Variants in NPR1 observed in about 807,000 individuals in gnomAD.
NPR1 encodes the protein atrial natriuretic peptide receptor 1.
NPR1 carries 57 observed loss-of-function variants against 116.9 expected under a neutral mutation model. The observed-to-expected ratio is 0.49, with a 90% CI of 0.39 to 0.61. NPR1 has a LOEUF of 0.61. NPR1 is among the 20% of genes least tolerant of loss of function. NPR1 has a pLI of 0.00. For synonymous variants in NPR1, 555 were observed against 601.6 expected (o/e 0.92, Z 1.13); for missense variants, 1,096 against 1,409.8 (o/e 0.78, Z 3.56).
intron 20 of NPR1, among the ~76,000 whole-genome samples, chr1:153,692,897 C>T (rs1317855185): frequency 5.3e-5 from 8 of 152,122 alleles, no homozygotes; most frequent in Non-Finnish European, 1.2e-4. Context: ...GATTACACAG[C>T]TCCAGAGTTC....
chr1:153,693,618 G>T lies in NPR1; in HGVS notation c.*204G>T. The T allele has an allele frequency of 1.9e-6, 1 of 513,308 alleles. No individual in the cohort carries two copies. The highest frequency in any genetic ancestry group is 3.3e-5 in the South Asian group (1 of 29,950). The allele number at this position is 513,308 out of a possible 1,614,324, so 31.8% of individuals were successfully genotyped here. ...GGGGGGATCTCAGAGCTTACAGGCT[G>T]AGCCAAGCCCACGGCCATGCACAGG... On this transcript the variant is annotated 3_prime_UTR_variant, in exon 22 of 22. Transcript: ENST00000368680.
chr1:153,690,308 G>A lies in NPR1; in HGVS notation c.2957G>A (p.Gly986Glu). The A allele has an allele frequency of 1.3e-6, 2 of 1,559,828 alleles. No individual in the cohort carries two copies. Among genetic ancestry groups the A allele is most frequent in the East Asian group, 2.4e-5 (1 of 42,198 alleles). The change falls in exon 20 of 22, where the codon GGA becomes GAA. Residue 986 changes from glycine to glutamate, a missense_variant. Physicochemically the swap from Gly to Glu is moderately conservative, Grantham distance 98. Transcript: ENST00000368680. The stretch of plus-strand genomic sequence containing the variant: ...GGACCTGTGTGTGCTGGAGTGGTGG[G>A]ACTGAAGATGCCCCGTTACTGTCTC... Reference protein sequence around the residue: ...HTGPVCAGVVGLKMPRYCLFG... With the variant: ...HTGPVCAGVVELKMPRYCLFG...
chr1:153,689,650 A>C lies in NPR1; in HGVS notation c.2757+129A>C, dbSNP rs1203685692. The stretch of plus-strand genomic sequence containing the variant: ...GGGACACGGGCAGAGACAGTGACAC[A>C]GGGAGACCCGGGAACAGGCAGAGAA... On this transcript the variant is annotated intron_variant, in intron 18 of 21. Transcript: ENST00000368680. This position sits in a 1 kb window ranked among gnomAD's most constrained non-coding sequence, Gnocchi z 5.1. 2 of 1,213,696 alleles carry C rather than the reference A, an allele frequency of 1.6e-6. No homozygotes were observed. Among genetic ancestry groups the C allele is most frequent in the Non-Finnish European group, 2.4e-6 (2 of 848,078 alleles). The allele number at this position is 1,213,696 out of a possible 1,614,324, so 75.2% of individuals were successfully genotyped here. A position where few individuals can be genotyped will look rare whatever the true frequency, so the allele number is the denominator to read the frequency against.
rs762194917 is a variant in NPR1, at chr1:153,688,991, G to A, written c.2456G>A (p.Arg819His). ...SSNILDNLLS[R>H]MEQYANNLEE... ...AACATCCTGGACAACCTGCTGTCCCGCATGGAGCAGTACGCGAACAATCTG... is the reference window on the plus strand; with the variant it reads ...AACATCCTGGACAACCTGCTGTCCCACATGGAGCAGTACGCGAACAATCTG... Residue 819 changes from arginine (R) to histidine (H), a missense_variant, in exon 16 of 22, where the codon CGC (arginine) becomes CAC (histidine). By Grantham distance (29) the Arg-to-His change is conservative. Transcript: ENST00000368680. The A allele has an allele frequency of 9.9e-6, 16 of 1,614,124 alleles. No individual in the cohort carries two copies. Among genetic ancestry groups the A allele is most frequent in the East Asian group, 2.2e-5 (1 of 44,870 alleles).
Position 153,679,733 on chromosome 1 carries a change from G to T in NPR1, c.625G>T (p.Asp209Tyr), listed in dbSNP as rs773313589. The change falls in exon 1 of 22, where the codon GAC becomes TAC. Residue 209 changes from aspartate (D) to tyrosine (Y), a missense_variant. Asp to Tyr is a radical substitution (Grantham distance 160). Transcript: ENST00000368680. The surrounding 1 kb of genome is among the most constrained non-coding windows in gnomAD (Gnocchi z 4.2). ...GGAGGGGCTGTTCATGCGGGTCCGC[G>T]ACCGCCTCAATATTACGGTGGACCA... ...LVEGLFMRVR[D>Y]RLNITVDHLE... 1 of 1,603,016 alleles carries T rather than the reference G, an allele frequency of 6.2e-7. No homozygotes were observed. Among genetic ancestry groups the T allele is most frequent in the South Asian group, 1.1e-5 (1 of 89,900 alleles).
chr1:153,690,642 A>T (rs1052781565), intron 20 of NPR1, among the ~76,000 whole-genome samples: 1 of 152,046 alleles, frequency 6.6e-6, no homozygotes, highest in Admixed American at 6.6e-5. Context: ...CAGGAATCTG[A>T]TTTTAAGACC....
In NPR1 at chr1:153,693,249, T is replaced by C. The variant is rs771540040; in HGVS notation, c.3123+52T>C. ...CACCTTTTGGGGTCCTAGAGGGAGTTACCCTTCTCAAGCAGCCAATGCCAC... is the reference window on the plus strand; with the variant it reads ...CACCTTTTGGGGTCCTAGAGGGAGTCACCCTTCTCAAGCAGCCAATGCCAC... On this transcript the variant is annotated intron_variant, in intron 21 of 21. Transcript: ENST00000368680. 4 of 1,601,088 alleles carry C rather than the reference T, an allele frequency of 2.5e-6. No homozygotes were observed. The Admixed American group carries it at 6.7e-5, about 27-fold the overall frequency.
In NPR1 at chr1:153,681,313, C is replaced by A; in HGVS notation, c.1035+20C>A. The stretch of plus-strand genomic sequence containing the variant: ...GGCCTGGTAAGAAGGGGTCCCGGGA[C>A]CCTCCAGCGTGGACCTCCAGCCCCC... On this transcript the variant is annotated intron_variant, in intron 3 of 21. Transcript: ENST00000368680. The A allele has an allele frequency of 1.4e-6, 2 of 1,447,346 alleles. No homozygotes were observed. The highest frequency in any genetic ancestry group is 1.7e-5 in the Admixed American group (1 of 59,776). The allele number at this position is 1,447,346 out of a possible 1,614,324, so 89.7% of individuals were successfully genotyped here.
At chr1:153,687,933 C>G in intron 14 of NPR1, 120 bp from the exon 15 acceptor site, 2 of 1,077,694 alleles carry the variant, frequency 1.9e-6, no homozygotes, top group Non-Finnish European at 2.7e-6. Context: ...TGCCAGTGAC[C>G]AGTCCCCCGC....
At position 153,687,664 on chromosome 1, in the gene NPR1, GA is replaced by G. The variant is rs777157862; in HGVS notation, c.2125del (p.Met709TrpfsTer26). ...CTGTGGACGGCCCCTGAGCTCCTGCGAATGGCTTCACCCCCTGTGCGGGGCT... is the reference window on the plus strand; with the variant it reads ...CTGTGGACGGCCCCTGAGCTCCTGCGATGGCTTCACCCCCTGTGCGGGGCT... ...KKLWTAPELL[R>X]MASPPVRGSQ... On this transcript the variant is annotated frameshift_variant, in exon 14 of 22. Coordinates refer to ENST00000368680, the MANE Select transcript of NPR1 (RefSeq NM_000906.4). LOFTEE classifies it high-confidence loss of function. 6.3e-7 allele frequency: 1 copy of G among 1,597,944 alleles called. No homozygotes were observed. Among genetic ancestry groups the G allele is most frequent in the Admixed American group, 1.7e-5 (1 of 58,770 alleles).
Position 153,679,879 on chromosome 1 carries a change from T to A in NPR1, c.721+50T>A. The A allele has an allele frequency of 6.6e-7, 1 of 1,517,272 alleles. No homozygotes were observed. Among genetic ancestry groups the A allele is most frequent in the South Asian group, 1.2e-5 (1 of 81,904 alleles). 94.0% of individuals were successfully genotyped at this position (1,517,272 alleles called of 1,614,324 possible). ...CGCCGCTTAGCCGCAGGGCCTCCCC[T>A]CTGACCTGCCGGAGGCATCGGGACT... On this transcript the variant is annotated intron_variant, in intron 1 of 21. Coordinates refer to ENST00000368680, the MANE Select transcript of NPR1 (RefSeq NM_000906.4). This position sits in a 1 kb window ranked among gnomAD's most constrained non-coding sequence, Gnocchi z 4.2.
In NPR1 at chr1:153,689,624, G is replaced by A. The variant is rs147068025; in HGVS notation, c.2757+103G>A. On this transcript the variant is annotated intron_variant, in intron 18 of 21. Transcript: ENST00000368680. This position sits in a 1 kb window ranked among gnomAD's most constrained non-coding sequence, Gnocchi z 5.1. ...ATGTGGAGTCTTAAGAGAGGAGATCGGGGACACGGGCAGAGACAGTGACAC... is the reference window on the plus strand; with the variant it reads ...ATGTGGAGTCTTAAGAGAGGAGATCAGGGACACGGGCAGAGACAGTGACAC... 159 of 1,296,782 alleles carry A rather than the reference G, an allele frequency of 1.2e-4. No individual in the cohort carries two copies. The East Asian group carries it at 3.0e-3, about 25-fold the overall frequency. 80.3% of individuals were successfully genotyped at this position (1,296,782 alleles called of 1,614,324 possible).
chr1:153,686,836 C>A, intron 11 of NPR1, 86 bp downstream of exon 11: 1 of 1,361,426 alleles, frequency 7.3e-7, no homozygotes. Flanking sequence ...GCATGCCTCG[C>A]CCTCTTTCTG....
In NPR1 at chr1:153,679,481, G is replaced by A; in HGVS notation, c.373G>A (p.Val125Met). ...CGGCTGCGTGTACGCCGCCGCCCCA[G>A]TGGGGCGCTTCACCGCGCACTGGCG... Reference protein sequence around the residue: ...GPGCVYAAAPVGRFTAHWRVP... With the variant: ...GPGCVYAAAPMGRFTAHWRVP... The change falls in exon 1 of 22, where the codon GTG becomes ATG. Residue 125 changes from valine (V) to methionine (M), a missense_variant. Transcript: ENST00000368680. The surrounding 1 kb of genome is among the most constrained non-coding windows in gnomAD (Gnocchi z 4.2). 2 of 1,540,164 alleles carry A rather than the reference G, an allele frequency of 1.3e-6. No individual in the cohort carries two copies. Among genetic ancestry groups the A allele is most frequent in the Non-Finnish European group, 1.7e-6 (2 of 1,147,594 alleles).
Position 153,679,062 on chromosome 1 carries a change from G to A in NPR1, c.-47G>A. 1 of 1,388,498 alleles carries A rather than the reference G, an allele frequency of 7.2e-7. No individual in the cohort carries two copies. Among genetic ancestry groups the A allele is most frequent in the South Asian group, 1.6e-5 (1 of 61,852 alleles). The allele number at this position is 1,388,498 out of a possible 1,614,324, so 86.0% of individuals were successfully genotyped here. On this transcript the variant is annotated 5_prime_UTR_variant, in exon 1 of 22. Transcript: ENST00000368680. This position sits in a 1 kb window ranked among gnomAD's most constrained non-coding sequence, Gnocchi z 4.2. ...CGGCCGCTGAGCCCAAGGGGACCGA[G>A]GAGGCCATGGTAGGAGCGCTCGCCT...
At chr1:153,683,012 G>A (rs1036634905) in intron 5 of NPR1, among the ~76,000 whole-genome samples, 19 of 152,362 alleles carry the variant, frequency 1.2e-4, no homozygotes, top group Admixed American at 9.8e-4. Flanking sequence ...CTGGGCCTGC[G>A]AATGTAGGCT....
rs561350351 is a variant in NPR1, at chr1:153,684,806, T to C, written c.1485-158T>C. Among the ~76,000 whole-genome samples, 3 of 152,272 alleles carry C rather than the reference T, an allele frequency of 2.0e-5. No homozygotes were observed. In the South Asian group the frequency reaches 6.2e-4, roughly 32 times the overall value. ...CCCCAAGGTCCCCAGTAAGGCAGAA[T>C]TTCCCCCAGCCATCCTGATTCTCAG... On this transcript the variant is annotated intron_variant, in intron 7 of 21. Transcript: ENST00000368680.
At chr1:153,692,241 G>C (rs1361192076) in intron 20 of NPR1, among the ~76,000 whole-genome samples, 1 of 152,160 alleles carries the variant, frequency 6.6e-6, no homozygotes, top group Non-Finnish European at 1.5e-5. Flanking sequence ...GCATTTTACA[G>C]ATTAGGAAAA....
intron 8 of NPR1, among the ~76,000 whole-genome samples, chr1:153,685,453 T>G (rs1669901465): frequency 6.6e-6 from 1 of 151,994 alleles, no homozygotes; most frequent in Non-Finnish European, 1.5e-5. Context: ...TGCTTGTGCC[T>G]GGGAGTTCAA....
Sources: gnomAD v4.1 joint callset for allele counts (sites outside exome capture counted in the v4.1 genomes callset) on GRCh38, gnomAD v4.1.1 for gene constraint, Gnocchi (gnomAD v3.1) non-coding constraint, MANE v1.5 for transcripts, NCBI Gene and HGNC (gene_info 2026-07-23, HGNC 2026-07-21) for gene names.